The following MCTP2 variants were observed in gnomAD, a reference collection of about 807,000 sequenced individuals.
The protein encoded by MCTP2 is multiple C2 and transmembrane domain containing 2, also known as multiple C2 and transmembrane domain-containing protein 2.
MCTP2 carries 132 observed loss-of-function variants against 111.6 expected under a neutral mutation model. That is an observed-to-expected ratio of 1.18 (90% CI 1.03 to 1.37). The LOEUF is 1.37. MCTP2 is among the 40% of genes most tolerant of loss of function. The probability of loss-of-function intolerance (pLI) is 0.00; values close to 1 mark genes in which losing one functional copy is unlikely to be tolerated. For missense variants in MCTP2, 1,183 were observed against 1,067.9 expected (o/e 1.11, Z -1.50); for synonymous variants, 395 against 387.7 (o/e 1.02, Z -0.22).
intron 17 of MCTP2, among the ~76,000 whole-genome samples, chr15:94,410,918 T>C (rs1443887376): frequency 5.9e-5 from 9 of 152,254 alleles, no homozygotes; most frequent in South Asian, 2.1e-4. Context: ...TTGTCTGTTA[T>C]GCATTTTTCT....
rs537854578 is a variant in MCTP2, at chr15:94,242,893, A to G, written c.-66+11229A>G. 4.0e-5 allele frequency among the ~76,000 whole-genome samples: 6 copies of G among 148,616 alleles called. No homozygotes were observed. The South Asian group carries it at 1.3e-3, about 32-fold the overall frequency. On this transcript the variant is annotated intron_variant, in intron 1 of 22. Coordinates refer to ENST00000357742, the MANE Select transcript of MCTP2 (RefSeq NM_001385001.1). ...TTAGCTGACAGTGTTTCCTAAATAT[A>G]TGTATATATATGTATACACATATAC...
intron 19 of MCTP2, among the ~76,000 whole-genome samples, chr15:94,447,729 T>A: frequency 6.6e-6 from 1 of 152,196 alleles, no homozygotes; most frequent in Admixed American, 6.5e-5. Flanking sequence ...AGATTAGTAA[T>A]TTTTTAAACT....
rs115272201 is a variant in MCTP2 at position 94,413,056 on chromosome 15, G to A, written c.2085+11037G>A. Among the ~76,000 whole-genome samples the A allele has an allele frequency of 6.4e-3, 969 of 152,136 alleles. 5 individuals are homozygous for A. Among genetic ancestry groups the A allele is most frequent in the African/African-American group, 0.02 (850 of 41,492 alleles). Reference sequence around the variant, plus strand: ...GAAATTTAATCAAAAACAGGGTTGGGGAATAAGAGGAGGGAGAGAAAAAAG... The same window carrying A: ...GAAATTTAATCAAAAACAGGGTTGGAGAATAAGAGGAGGGAGAGAAAAAAG... On this transcript the variant is annotated intron_variant, in intron 17 of 22. Coordinates refer to ENST00000357742, the MANE Select transcript of MCTP2 (RefSeq NM_001385001.1).
chr15:94,402,978 C>T (rs2081677502), intron 17 of MCTP2: 1 of 1,003,906 alleles, frequency 1.0e-6, no homozygotes, highest in African/African-American at 1.7e-5. Context: ...GGCATAGCCT[C>T]ATATAAAAAA....
intron 4 of MCTP2, among the ~76,000 whole-genome samples, chr15:94,321,322 A>G (rs2076620398): frequency 1.3e-5 from 2 of 152,222 alleles, no homozygotes; most frequent in African/African-American, 4.8e-5. Context: ...TCCCAACACA[A>G]ATGATGTGTT....
At chr15:94,298,799 T>A in intron 2 of MCTP2, 69 bp downstream of exon 2, 2 of 965,514 alleles carry the variant, frequency 2.1e-6, no homozygotes, top group Non-Finnish European at 2.9e-6. Context: ...TCTTTCTCCC[T>A]CTCTCCCCAT....
intron 21 of MCTP2, among the ~76,000 whole-genome samples, chr15:94,474,066 C>T (rs1257936702): frequency 6.6e-6 from 1 of 151,890 alleles, no homozygotes; most frequent in African/African-American, 2.4e-5. Flanking sequence ...AAATGTTATT[C>T]TTCAGTATTT....
At chr15:94,402,328 C>G (rs1049913621) in intron 17 of MCTP2, 2 of 985,094 alleles carry the variant, frequency 2.0e-6, no homozygotes, top group African/African-American at 3.5e-5. Context: ...CCCATAATTT[C>G]TGAAAAATGG....
intron 14 of MCTP2, among the ~76,000 whole-genome samples, chr15:94,390,881 C>G (rs1350408257): frequency 2.0e-5 from 3 of 151,990 alleles, no homozygotes; most frequent in Non-Finnish European, 4.4e-5. Context: ...AGGCACCCAC[C>G]ACCATGCCTG....
intron 1 of MCTP2, among the ~76,000 whole-genome samples, chr15:94,295,633 A>G (rs1261866628): frequency 6.6e-6 from 1 of 152,198 alleles, no homozygotes; most frequent in Non-Finnish European, 1.5e-5. Context: ...CACCTTCTCC[A>G]TTTTTATGTT....
intron 1 of MCTP2, among the ~76,000 whole-genome samples, chr15:94,277,865 G>A (rs1373021252): frequency 6.6e-6 from 1 of 152,070 alleles, no homozygotes; most frequent in Non-Finnish European, 1.5e-5. Context: ...TTCAACAATT[G>A]TATTATAACA....
intron 10 of MCTP2, among the ~76,000 whole-genome samples, chr15:94,359,819 C>T (rs1394540939): frequency 6.6e-6 from 1 of 152,114 alleles, no homozygotes; most frequent in Non-Finnish European, 1.5e-5. Context: ...CAGTAAAATG[C>T]TTAGCACAGT....
chr15:94,336,251 T>C (rs2077354207), intron 4 of MCTP2, among the ~76,000 whole-genome samples: 1 of 152,230 alleles, frequency 6.6e-6, no homozygotes, highest in Non-Finnish European at 1.5e-5. Flanking sequence ...CTGCCTGTTC[T>C]GATCCACCCA....
intron 1 of MCTP2, among the ~76,000 whole-genome samples, chr15:94,297,333 C>T (rs577023711): frequency 6.6e-6 from 1 of 152,302 alleles, no homozygotes; most frequent in South Asian, 2.1e-4. Context: ...ATCCTTATCC[C>T]TCATAACCAA....
chr15:94,401,714 T>G (rs1482773000), intron 16 of MCTP2, among the ~76,000 whole-genome samples, 186 bp from the exon 17 acceptor site: 1 of 152,242 alleles, frequency 6.6e-6, no homozygotes, highest in African/African-American at 2.4e-5. Context: ...TGATTCTCAT[T>G]TCCTCTATGG....
intron 17 of MCTP2, among the ~76,000 whole-genome samples, chr15:94,427,316 C>T (rs1054660206): frequency 1.2e-4 from 18 of 152,064 alleles, no homozygotes; most frequent in Admixed American, 3.9e-4. Context: ...TCCATTCTCA[C>T]GCTGATATGA....
rs765083450 is a variant in MCTP2 at position 94,367,629 on chromosome 15, C to T, written c.1326C>T (p.Leu442=). 1.2e-6 allele frequency: 2 copies of T among 1,611,142 alleles called. No individual in the cohort carries two copies. Among genetic ancestry groups the T allele is most frequent in the South Asian group, 2.2e-5 (2 of 90,858 alleles). ...GGTGTAAAGTGGATATCTCGGCACT[C>T]CCTCTGAAGCAAGCCAACTGCCTGG... ...LGTCKVDISA[L]PLKQANCLEL... Residue 442 remains leucine, a synonymous_variant, in exon 11 of 23, where the codon CTC becomes CTT. Coordinates refer to ENST00000357742, the MANE Select transcript of MCTP2 (RefSeq NM_001385001.1).
chr15:94,311,974 A>G (rs1362035355), intron 2 of MCTP2, among the ~76,000 whole-genome samples: 1 of 152,220 alleles, frequency 6.6e-6, no homozygotes, highest in Non-Finnish European at 1.5e-5. Context: ...CAAGACCATC[A>G]TTATCCTTGG....
chr15:94,378,150 G>A (rs2079883111), intron 12 of MCTP2, among the ~76,000 whole-genome samples: 1 of 152,162 alleles, frequency 6.6e-6, no homozygotes, highest in African/African-American at 2.4e-5. Context: ...ATGAAAATGG[G>A]AAGATGTTAG....
Sources: gnomAD v4.1 joint callset for allele counts (sites outside exome capture counted in the v4.1 genomes callset) on GRCh38, gnomAD v4.1.1 for gene constraint, MANE v1.5 for transcripts, NCBI Gene and HGNC (gene_info 2026-07-23, HGNC 2026-07-21) for gene names.